Variants in SNAP91 observed in about 807,000 individuals in gnomAD.
The protein encoded by SNAP91 is synaptosome associated protein 91, also known as clathrin coat assembly protein AP180.
Under a neutral mutation model 100.3 loss-of-function variants are expected in SNAP91, and 27 were observed. The observed-to-expected ratio is 0.27, with a 90% CI of 0.20 to 0.37. The LOEUF (loss-of-function observed/expected upper bound fraction) is 0.37, where lower values mean the gene tolerates loss of function less well. Among genes scored for constraint, SNAP91 ranks in the 10% least tolerant of loss-of-function variants. The pLI is 1.00. For synonymous variants in SNAP91, 404 were observed against 398.6 expected, an observed-to-expected ratio of 1.01 and a Z score of -0.16; for missense variants, 986 against 1,123.7, an observed-to-expected ratio of 0.88 and a Z score of 1.75.
At chr6:83,679,147 T>C (rs2098952097) in intron 2 of SNAP91, among the ~76,000 whole-genome samples, 1 of 152,100 alleles carries the variant, frequency 6.6e-6, no homozygotes, top group Non-Finnish European at 1.5e-5. Context: ...GTATTATAAG[T>C]AATCCAGGGA....
chr6:83,645,173 T>C (rs972156317), intron 7 of SNAP91, among the ~76,000 whole-genome samples: 2 of 152,130 alleles, frequency 1.3e-5, no homozygotes, highest in Non-Finnish European at 2.9e-5. Flanking sequence ...CTGCTTAAAG[T>C]ACTTTTTCCT....
At chr6:83,558,118 A>T (rs1248902842) in intron 28 of SNAP91, among the ~76,000 whole-genome samples, 1 of 152,098 alleles carries the variant, frequency 6.6e-6, no homozygotes, top group African/African-American at 2.4e-5. Flanking sequence ...GGTATTACAC[A>T]ATAAAAACAA....
intron 2 of SNAP91, among the ~76,000 whole-genome samples, chr6:83,669,321 G>T (rs911082636): frequency 6.6e-6 from 1 of 151,514 alleles, no homozygotes; most frequent in African/African-American, 2.4e-5. Flanking sequence ...TTCATTTAAA[G>T]AATTTAAAAA....
chr6:83,607,305 T>C (rs572847568), intron 13 of SNAP91, among the ~76,000 whole-genome samples: 3 of 149,762 alleles, frequency 2.0e-5, no homozygotes, highest in Non-Finnish European at 3.0e-5. Flanking sequence ...CACTAGCTAA[T>C]TGGTCAAACA....
At chr6:83,674,263 C>A (rs1342240058) in intron 2 of SNAP91, among the ~76,000 whole-genome samples, 2 of 152,020 alleles carry the variant, frequency 1.3e-5, no homozygotes, top group East Asian at 1.9e-4. Context: ...GAAACCCTGT[C>A]TCTACTAAAA....
intron 7 of SNAP91, among the ~76,000 whole-genome samples, chr6:83,655,814 A>G (rs2098389472): frequency 6.6e-6 from 1 of 152,072 alleles, no homozygotes; most frequent in South Asian, 2.1e-4. Flanking sequence ...CAGTGCATCT[A>G]CTCTTTTTCT....
At chr6:83,700,195 A>G (rs2099273597) in intron 2 of SNAP91, among the ~76,000 whole-genome samples, 1 of 152,204 alleles carries the variant, frequency 6.6e-6, no homozygotes, top group Non-Finnish European at 1.5e-5. Flanking sequence ...TTCAGACTTT[A>G]CATATGCATA....
chr6:83,613,248 T>C (rs1463057450), intron 11 of SNAP91, among the ~76,000 whole-genome samples: 2 of 152,220 alleles, frequency 1.3e-5, no homozygotes, highest in South Asian at 2.1e-4. Flanking sequence ...TCTTCTTCAC[T>C]AGATACTAAG....
At chr6:83,564,042 C>T (rs1354787533) in intron 26 of SNAP91, among the ~76,000 whole-genome samples, 1 of 151,888 alleles carries the variant, frequency 6.6e-6, no homozygotes, top group African/African-American at 2.4e-5. Flanking sequence ...ACCAGGATAG[C>T]CAAAACAGTT....
chr6:83,692,883 A>G (rs1164372769), intron 2 of SNAP91, among the ~76,000 whole-genome samples: 4 of 152,054 alleles, frequency 2.6e-5, no homozygotes, highest in African/African-American at 9.7e-5. Context: ...TTAATTAGCT[A>G]TCTTTGGATC....
At chr6:83,649,992 C>A (rs112054003) in intron 7 of SNAP91, among the ~76,000 whole-genome samples, 4,114 of 152,146 alleles carry the variant, frequency 0.027, 166 homozygotes, top group African/African-American at 0.092. Context: ...ATGTGGATAT[C>A]CAGTTGTTCT....
intron 16 of SNAP91, among the ~76,000 whole-genome samples, chr6:83,595,484 A>G (rs1042890138): frequency 1.3e-5 from 2 of 152,158 alleles, no homozygotes; most frequent in African/African-American, 4.8e-5. Flanking sequence ...TCTACCAACA[A>G]TGTTAGTTAA....
At chr6:83,634,902 T>G (rs1479012998) in intron 8 of SNAP91, among the ~76,000 whole-genome samples, 2 of 152,264 alleles carry the variant, frequency 1.3e-5, no homozygotes, top group Admixed American at 6.5e-5. Context: ...GTTTACCCAA[T>G]AGTCATTCAG....
rs1188559329 is a variant in SNAP91 at position 83,553,656 on chromosome 6, A to T, written c.*640T>A. 1.3e-5 allele frequency: 2 copies of T among 152,134 alleles called. No individual in the cohort carries two copies. The highest frequency in any genetic ancestry group is 4.8e-5 in the African/African-American group (2 of 41,460). 9.4% of individuals were successfully genotyped at this position (152,134 alleles called of 1,614,324 possible). ...CCCATACGATTTTTCGTTCTTGATA[A>T]GGTAGCTTCAAAGAGAAGTATTTAT... On this transcript the variant is annotated 3_prime_UTR_variant, in exon 30 of 30. Coordinates refer to ENST00000369694, the MANE Select transcript of SNAP91 (RefSeq NM_001242792.2).
At chr6:83,696,397 A>G (rs2099212133) in intron 2 of SNAP91, among the ~76,000 whole-genome samples, 1 of 152,206 alleles carries the variant, frequency 6.6e-6, no homozygotes, top group South Asian at 2.1e-4. Flanking sequence ...CAGAAAGTAT[A>G]ATTTTGCCAC....
intron 2 of SNAP91, among the ~76,000 whole-genome samples, chr6:83,678,295 A>AACATCTTTT (rs1489582678): frequency 6.6e-6 from 1 of 152,046 alleles, no homozygotes; most frequent in African/African-American, 2.4e-5. Context: ...ACCAGCCCTG[A>AACATCTTTT]ACATCTTTTA....
intron 16 of SNAP91, among the ~76,000 whole-genome samples, chr6:83,596,359 C>A (rs567899471): frequency 6.6e-6 from 1 of 152,242 alleles, no homozygotes; most frequent in Admixed American, 6.5e-5. Context: ...CTTAGAGCAA[C>A]ACACCCTCTA....
chr6:83,614,982 C>A, intron 10 of SNAP91, 120 bp from the exon 11 acceptor site: 2 of 701,698 alleles, frequency 2.9e-6, no homozygotes, highest in South Asian at 2.1e-5. Context: ...TTAGCCAATT[C>A]AGAAGAGAAA....
At position 83,583,359 on chromosome 6, in the gene SNAP91, G is replaced by A. The variant is rs1260949065; in HGVS notation, c.2015-1003C>T. 7.2e-5 allele frequency among the ~76,000 whole-genome samples: 11 copies of A among 152,110 alleles called. No individual in the cohort carries two copies. In the South Asian group the frequency reaches 8.3e-4, roughly 11 times the overall value. On this transcript the variant is annotated intron_variant, in intron 22 of 29. Coordinates refer to ENST00000369694, the MANE Select transcript of SNAP91 (RefSeq NM_001242792.2). ...TTCATGTTTTTTCCACTAATATCCT[G>A]CACAGTGCCTAAAACACTGAATTAA...
Sources: gnomAD v4.1 joint callset for allele counts (sites outside exome capture counted in the v4.1 genomes callset) on GRCh38, gnomAD v4.1.1 for gene constraint, MANE v1.5 for transcripts, NCBI Gene and HGNC (gene_info 2026-07-23, HGNC 2026-07-21) for gene names.